The following SPAG17 variants were observed in gnomAD, a reference collection of about 807,000 sequenced individuals.
SPAG17 encodes the protein sperm-associated antigen 17.
SPAG17 carries 169 observed loss-of-function variants against 273.6 expected under a neutral mutation model. The observed-to-expected ratio is 0.62, with a 90% confidence interval of 0.55 to 0.70. The LOEUF (loss-of-function observed/expected upper bound fraction) is 0.70. Among genes scored for constraint, SPAG17 ranks in the 30% least tolerant of loss-of-function variants. The pLI is 0.00. For missense variants in SPAG17, 2,557 were observed against 2,627.8 expected, an observed-to-expected ratio of 0.97 and a Z score of 0.59; for synonymous variants, 825 against 873.2, an observed-to-expected ratio of 0.94 and a Z score of 0.97.
intron 4 of SPAG17, among the ~76,000 whole-genome samples, chr1:118,107,802 G>A (rs1352639433): frequency 6.6e-6 from 1 of 152,190 alleles, no homozygotes; most frequent in East Asian, 1.9e-4. Flanking sequence ...TGGGGAAGAT[G>A]AGTGAAGAAG....
At chr1:118,177,507 T>C (rs1463865426) in intron 1 of SPAG17, among the ~76,000 whole-genome samples, 1 of 152,010 alleles carries the variant, frequency 6.6e-6, no homozygotes, top group Non-Finnish European at 1.5e-5. Context: ...ATATCAGTCA[T>C]GCATCTCAAA....
chr1:117,957,589 C>T (rs2101293668), intron 48 of SPAG17, among the ~76,000 whole-genome samples: 1 of 152,366 alleles, frequency 6.6e-6, no homozygotes, highest in Admixed American at 6.5e-5. Context: ...TTTAAGCCAA[C>T]CTTGTCCAGC....
chr1:118,036,372 C>A (rs1649073389), intron 24 of SPAG17, among the ~76,000 whole-genome samples: 1 of 151,938 alleles, frequency 6.6e-6, no homozygotes, highest in Non-Finnish European at 1.5e-5. Flanking sequence ...GCAATTTATG[C>A]TTTCTTTTAC....
At chr1:118,078,858 G>A (rs906452019) in intron 15 of SPAG17, among the ~76,000 whole-genome samples, 1 of 151,894 alleles carries the variant, frequency 6.6e-6, no homozygotes, top group Non-Finnish European at 1.5e-5. Flanking sequence ...GTTAATTGAT[G>A]TTATATTGAT....
At chr1:118,160,024 G>C (rs1016007348) in intron 1 of SPAG17, among the ~76,000 whole-genome samples, 15 of 152,098 alleles carry the variant, frequency 9.9e-5, no homozygotes, top group African/African-American at 3.6e-4. Context: ...GAGCTTCTTT[G>C]GGTTTTGAAA....
At chr1:118,036,134 G>C (rs190118940) in intron 24 of SPAG17, among the ~76,000 whole-genome samples, 63 of 152,198 alleles carry the variant, frequency 4.1e-4, no homozygotes, top group African/African-American at 1.5e-3. Context: ...GCTGCTGTGA[G>C]GCATGATTGT....
chr1:118,015,870 A>G lies in SPAG17; in HGVS notation c.4287+95T>C, dbSNP rs1186930619. ...TCCATCCACTACTTAACAGACATTT[A>G]TTGAAAAAATATTATCAGCTAGGCA... On this transcript the variant is annotated intron_variant, in intron 29 of 48. Coordinates refer to ENST00000336338, the MANE Select transcript of SPAG17 (RefSeq NM_206996.4). 11 of 1,074,152 alleles carry G rather than the reference A, an allele frequency of 1.0e-5. No homozygotes were observed. The East Asian group carries it at 2.5e-4, about 24-fold the overall frequency. The allele number at this position is 1,074,152 out of a possible 1,614,324, so 66.5% of individuals were successfully genotyped here.
At chr1:118,012,176 T>C in intron 30 of SPAG17, 52 bp downstream of exon 30, 1 of 1,560,372 alleles carries the variant, frequency 6.4e-7, no homozygotes, top group Admixed American at 1.7e-5. Context: ...TCTATCTAAC[T>C]TACGCTAAAG....
At chr1:118,000,074 C>T (rs1571198864) in intron 32 of SPAG17, among the ~76,000 whole-genome samples, 1 of 151,996 alleles carries the variant, frequency 6.6e-6, no homozygotes, top group Non-Finnish European at 1.5e-5. Flanking sequence ...CATTATTAAA[C>T]AGGGAATCCT....
At chr1:117,968,830 G>A (rs1366523577) in intron 46 of SPAG17, among the ~76,000 whole-genome samples, 1 of 152,160 alleles carries the variant, frequency 6.6e-6, no homozygotes, top group Non-Finnish European at 1.5e-5. Context: ...TGCACTCTTC[G>A]CATCTGTGAT....
chr1:117,959,450 C>A (rs755876032), intron 48 of SPAG17: 3 of 1,593,316 alleles, frequency 1.9e-6, no homozygotes, highest in Non-Finnish European at 1.7e-6. Flanking sequence ...TGACTTAGAA[C>A]TGAAATGTGG....
In SPAG17 at chr1:118,016,059, G is replaced by A. The variant is rs748431445; in HGVS notation, c.4193C>T (p.Pro1398Leu). The A allele has an allele frequency of 1.9e-6, 3 of 1,614,048 alleles. No homozygotes were observed. The highest frequency in any genetic ancestry group is 2.5e-6 in the Non-Finnish European group (3 of 1,179,954). Residue 1398 changes from proline (P) to leucine (L), a missense_variant, in exon 29 of 49, where the codon CCT (proline) becomes CTT (leucine). Physicochemically the swap from Pro to Leu is moderately conservative, Grantham distance 98. Transcript: ENST00000336338. ...TTTGGTGCCGATCCGATTTCCTTCAGGTGTGGTTGTAAACCAGGTGCCTAT... is the reference window on the plus strand; with the variant it reads ...TTTGGTGCCGATCCGATTTCCTTCAAGTGTGGTTGTAAACCAGGTGCCTAT... ...VHIGTWFTTTPEGNRIGTKGL... is the reference protein window; with the variant it reads ...VHIGTWFTTTLEGNRIGTKGL...
intron 23 of SPAG17, among the ~76,000 whole-genome samples, chr1:118,038,975 G>A (rs1247222604): frequency 1.3e-5 from 2 of 152,162 alleles, no homozygotes; most frequent in Non-Finnish European, 2.9e-5. Context: ...CGCTCTGGGT[G>A]AGGCATGTTA....
At chr1:117,988,249 G>T in intron 38 of SPAG17, 45 bp from the exon 39 acceptor site, 1 of 1,373,534 alleles carries the variant, frequency 7.3e-7, no homozygotes, top group Admixed American at 2.2e-5. Flanking sequence ...CTTCTTTATA[G>T]GGCAACACAC....
intron 42 of SPAG17, 101 bp downstream of exon 42, chr1:117,983,710 C>T: frequency 3.1e-6 from 2 of 646,442 alleles, no homozygotes; most frequent in East Asian, 5.4e-5. Context: ...TCACTGTAGG[C>T]TATGTCATCA....
intron 3 of SPAG17, among the ~76,000 whole-genome samples, chr1:118,128,696 C>A (rs1303744640): frequency 1.3e-5 from 2 of 152,212 alleles, no homozygotes; most frequent in East Asian, 3.8e-4. Flanking sequence ...GAACTTCCTG[C>A]ACCCCAACAC....
At chr1:118,043,100 T>A (rs1649960168) in intron 20 of SPAG17, among the ~76,000 whole-genome samples, 1 of 152,188 alleles carries the variant, frequency 6.6e-6, no homozygotes, top group Non-Finnish European at 1.5e-5. Flanking sequence ...TAAGGTAAGT[T>A]TTAAAACATG....
intron 32 of SPAG17, 41 bp from the exon 33 acceptor site, chr1:117,996,784 T>C: frequency 1.9e-6 from 3 of 1,548,672 alleles, no homozygotes; most frequent in Non-Finnish European, 2.6e-6. Context: ...GAAAAGAAAG[T>C]CATAATGCTT....
chr1:118,105,689 T>G (rs551769660), intron 4 of SPAG17, among the ~76,000 whole-genome samples: 1 of 152,214 alleles, frequency 6.6e-6, no homozygotes, highest in African/African-American at 2.4e-5. Flanking sequence ...ATAGGAAATT[T>G]CCAAGGTTAG....
Sources: gnomAD v4.1 joint callset for allele counts (sites outside exome capture counted in the v4.1 genomes callset) on GRCh38, gnomAD v4.1.1 for gene constraint, MANE v1.5 for transcripts, NCBI Gene and HGNC (gene_info 2026-07-23, HGNC 2026-07-21) for gene names.